The following DLG2 variants were observed in gnomAD, a reference collection of about 807,000 sequenced individuals.
The protein encoded by DLG2 is discs large MAGUK scaffold protein 2.
Under a neutral mutation model 132.5 loss-of-function variants are expected in DLG2, and 45 were observed. The observed-to-expected ratio is 0.34, with a 90% CI of 0.27 to 0.44. DLG2 has a LOEUF of 0.44. Among genes scored for constraint, DLG2 ranks in the 20% least tolerant of loss-of-function variants. DLG2 has a pLI of 1.00. For missense variants in DLG2, 1,045 were observed against 1,196.9 expected (o/e 0.87, Z 1.87); for synonymous variants, 424 against 419.6 (o/e 1.01, Z -0.13).
intron 4 of DLG2, among the ~76,000 whole-genome samples, chr11:85,241,437 T>G (rs2075873734): frequency 6.6e-6 from 1 of 151,950 alleles, no homozygotes; most frequent in Admixed American, 6.6e-5. Context: ...CAAACAGAAC[T>G]TGAGATTGTT....
chr11:84,592,220 A>G (rs1426749722), intron 6 of DLG2, among the ~76,000 whole-genome samples: 2 of 152,176 alleles, frequency 1.3e-5, no homozygotes, highest in Non-Finnish European at 2.9e-5. Flanking sequence ...GAGATCCATT[A>G]ATTTAAGGGT....
chr11:83,702,217 T>C (rs1566606500), intron 18 of DLG2, among the ~76,000 whole-genome samples: 1 of 152,182 alleles, frequency 6.6e-6, no homozygotes, highest in Non-Finnish European at 1.5e-5. Flanking sequence ...ACAAAAGGAT[T>C]AACAGTGTCA....
At chr11:84,867,121 T>C (rs1487403544) in intron 6 of DLG2, among the ~76,000 whole-genome samples, 2 of 152,172 alleles carry the variant, frequency 1.3e-5, no homozygotes, top group Non-Finnish European at 2.9e-5. Flanking sequence ...AACTGGGAGC[T>C]AGGGATTCAA....
At chr11:84,898,284 G>T (rs1273479730) in intron 6 of DLG2, among the ~76,000 whole-genome samples, 2 of 151,864 alleles carry the variant, frequency 1.3e-5, no homozygotes, top group East Asian at 3.9e-4. Flanking sequence ...CATTTTGCTT[G>T]AATAGTATCT....
intron 8 of DLG2, among the ~76,000 whole-genome samples, chr11:84,173,515 C>T (rs2095869427): frequency 6.6e-6 from 1 of 152,122 alleles, no homozygotes; most frequent in South Asian, 2.1e-4. Context: ...AAGCACATAG[C>T]CAAAATATTT....
chr11:83,649,771 GGGAGGCATAA>G (rs1158170016), intron 18 of DLG2, among the ~76,000 whole-genome samples: 2 of 152,128 alleles, frequency 1.3e-5, no homozygotes, highest in African/African-American at 2.4e-5. Context: ...GTAGGAGGAA[GGGAGGCATAA>G]GGGAATTTCT....
At chr11:83,928,452 G>A (rs868077452) in intron 15 of DLG2, among the ~76,000 whole-genome samples, 3 of 151,968 alleles carry the variant, frequency 2.0e-5, no homozygotes, top group Middle Eastern at 6.8e-3. Flanking sequence ...GGAATGGAAG[G>A]AAACCAATGT....
intron 7 of DLG2, among the ~76,000 whole-genome samples, chr11:84,376,214 A>G (rs1418850986): frequency 1.3e-5 from 2 of 151,906 alleles, no homozygotes; most frequent in Non-Finnish European, 1.5e-5. Flanking sequence ...TATTATTAGC[A>G]TGACTTAAAA....
chr11:83,991,643 C>T (rs986491259), intron 11 of DLG2, among the ~76,000 whole-genome samples: 1 of 152,062 alleles, frequency 6.6e-6, no homozygotes, highest in Non-Finnish European at 1.5e-5. Context: ...TCTCTTCAAC[C>T]TGCCACAGCC....
At chr11:85,236,829 C>T (rs2152664004) in intron 4 of DLG2, among the ~76,000 whole-genome samples, 1 of 152,108 alleles carries the variant, frequency 6.6e-6, no homozygotes, top group Middle Eastern at 3.4e-3. Flanking sequence ...GACCTAAGCC[C>T]AAATGTGTCT....
intron 4 of DLG2, among the ~76,000 whole-genome samples, chr11:85,210,768 T>C (rs2082202499): frequency 6.6e-6 from 1 of 152,138 alleles, no homozygotes; most frequent in Admixed American, 6.6e-5. Flanking sequence ...AATAGGCAAC[T>C]TGGGCTCAGG....
chr11:83,841,512 T>C (rs1330840204), intron 16 of DLG2, among the ~76,000 whole-genome samples: 2 of 152,190 alleles, frequency 1.3e-5, no homozygotes, highest in Non-Finnish European at 2.9e-5. Flanking sequence ...TAGCAATCTT[T>C]TCATGTATCT....
chr11:83,616,095 G>A (rs1324162359), intron 19 of DLG2, among the ~76,000 whole-genome samples: 1 of 151,968 alleles, frequency 6.6e-6, no homozygotes, highest in Non-Finnish European at 1.5e-5. Flanking sequence ...TTTCATTGTT[G>A]TATATTATCC....
chr11:84,413,119 A>G (rs944529375), intron 7 of DLG2, among the ~76,000 whole-genome samples: 6 of 152,178 alleles, frequency 3.9e-5, no homozygotes, highest in African/African-American at 1.4e-4. Flanking sequence ...TAGACTCAGA[A>G]GTCACTGTCT....
chr11:85,184,112 G>T (rs2079920884), intron 4 of DLG2, among the ~76,000 whole-genome samples: 1 of 151,780 alleles, frequency 6.6e-6, no homozygotes, highest in Admixed American at 6.6e-5. Flanking sequence ...TTAACCCTTG[G>T]CATTCCTCTC....
At chr11:84,575,499 G>A (rs2099497373) in intron 6 of DLG2, among the ~76,000 whole-genome samples, 1 of 151,964 alleles carries the variant, frequency 6.6e-6, no homozygotes, top group South Asian at 2.1e-4. Flanking sequence ...ATTTGATTCT[G>A]TACAAAGTTC....
chr11:83,678,103 A>C (rs965027205), intron 18 of DLG2, among the ~76,000 whole-genome samples: 1 of 152,186 alleles, frequency 6.6e-6, no homozygotes, highest in African/African-American at 2.4e-5. Flanking sequence ...AGACAGTTTT[A>C]ATCCAGCCAA....
intron 6 of DLG2, among the ~76,000 whole-genome samples, chr11:85,047,436 T>A (rs1365474297): frequency 2.6e-5 from 4 of 152,030 alleles, no homozygotes; most frequent in Non-Finnish European, 4.4e-5. Flanking sequence ...AGAGTCATTG[T>A]ACTAAACAAT....
intron 8 of DLG2, among the ~76,000 whole-genome samples, chr11:84,205,947 T>C (rs767687706): frequency 9.2e-5 from 14 of 152,008 alleles, no homozygotes; most frequent in Non-Finnish European, 1.2e-4. Flanking sequence ...ATAAAACTGA[T>C]TTTTTTAAAG....
Sources: gnomAD v4.1 joint callset for allele counts (sites outside exome capture counted in the v4.1 genomes callset) on GRCh38, gnomAD v4.1.1 for gene constraint, MANE v1.5 for transcripts, NCBI Gene and HGNC (gene_info 2026-07-23, HGNC 2026-07-21) for gene names.